Variants in TRAPPC2 observed in about 807,000 individuals in gnomAD.
The protein encoded by TRAPPC2 is trafficking protein particle complex subunit 2.
In TRAPPC2, 4 loss-of-function variants were observed where a neutral mutation model predicts 10.0. That is an observed-to-expected ratio of 0.40 (90% CI 0.20 to 0.92). The LOEUF (loss-of-function observed/expected upper bound fraction) is 0.92. Ranked by LOEUF, TRAPPC2 falls within the 40% of genes least tolerant of loss-of-function variation. TRAPPC2 has a pLI of 0.35. For synonymous variants in TRAPPC2, 36 were observed against 37.3 expected (o/e 0.97, Z 0.12); for missense variants, 52 against 108.7 (o/e 0.48, Z 2.32).
At chrX:13,715,869 A>C (rs2046275628) in intron 5 of TRAPPC2, 135 bp downstream of exon 5, 1 of 1,021,799 alleles carries the variant, frequency 9.8e-7, no homozygotes, top group African/African-American at 1.9e-5. Flanking sequence ...GGGAGTTGCC[A>C]GAGATAGTTC....
chrX:13,717,897 A>G (rs2046330812), intron 3 of TRAPPC2, among the ~76,000 whole-genome samples: 1 of 112,135 alleles, frequency 8.9e-6, no homozygotes, highest in Non-Finnish European at 1.9e-5. Context: ...ATGAGGTCAC[A>G]CTGGAGTAGG....
At chrX:13,720,298 T>C (rs1302500648) in intron 2 of TRAPPC2, 1 of 138,310 alleles carries the variant, frequency 7.2e-6, no homozygotes, top group Non-Finnish European at 1.4e-5. Flanking sequence ...CCTAAGTGTC[T>C]GGTAGAGTAA....
At chrX:13,716,375 T>TC in intron 4 of TRAPPC2, 159 bp downstream of exon 4, 1 of 664,908 alleles carries the variant, frequency 1.5e-6, no homozygotes. Context: ...AAAATGTTTT[T>TC]CCCCCCTAAA....
intron 2 of TRAPPC2, among the ~76,000 whole-genome samples, chrX:13,729,738 G>A (rs1029233040): frequency 1.4e-4 from 15 of 110,951 alleles, no homozygotes; most frequent in African/African-American, 3.0e-4. Flanking sequence ...GAGAAACCCC[G>A]TCTCTACTAA....
chrX:13,722,208 C>CAAAAAAAAAA (rs748574644), intron 2 of TRAPPC2: 11 of 36,112 alleles, frequency 3.0e-4, no homozygotes, highest in South Asian at 1.2e-3. Context: ...TAAGCAGCAG[C>CAAAAAAAAAA]AAAAAAAAAA....
At position 13,716,002 on chromosome X, in the gene TRAPPC2, A is replaced by T. The variant is rs1384690921; in HGVS notation, c.324+2T>A. 1 of 1,183,969 alleles carries T rather than the reference A, an allele frequency of 8.4e-7. No individual in the cohort carries two copies. The highest frequency in any genetic ancestry group is 3.0e-5 in the East Asian group (1 of 33,018). ...ATTTAAAAATTATAGAACATACCAT[A>T]CCTTTATATATAAATCATAAACATC... On this transcript the variant is annotated splice_donor_variant, in intron 5 of 5. Transcript: ENST00000380579. LOFTEE classifies it high-confidence loss of function.
chrX:13,729,045 G>A (rs1038350305), intron 2 of TRAPPC2, among the ~76,000 whole-genome samples: 6 of 111,268 alleles, frequency 5.4e-5, no homozygotes, highest in Non-Finnish European at 7.6e-5. Context: ...TACAAGGGAC[G>A]TGAAGGACCT....
At chrX:13,720,639 A>G (rs2046387711) in intron 2 of TRAPPC2, 1 of 112,269 alleles carries the variant, frequency 8.9e-6, no homozygotes, top group African/African-American at 3.2e-5. Context: ...ATACCAATTT[A>G]TAAGAAAGGA....
intron 3 of TRAPPC2, among the ~76,000 whole-genome samples, chrX:13,717,034 TAAAAAAAAAAAAAA>T (rs1175025577): frequency 2.6e-5 from 1 of 37,936 alleles, no homozygotes; most frequent in Non-Finnish European, 4.3e-5. Context: ...GATACTATGT[TAAAAAAAAAAAAAA>T]AAAAAAAAAA....
chrX:13,730,717 C>T (rs1261612859), intron 2 of TRAPPC2, among the ~76,000 whole-genome samples: 1 of 111,216 alleles, frequency 9.0e-6, no homozygotes, highest in African/African-American at 3.3e-5. Flanking sequence ...CACATATACA[C>T]CATGGAATAC....
At chrX:13,721,619 A>C (rs944456755) in intron 2 of TRAPPC2, 2 of 112,104 alleles carry the variant, frequency 1.8e-5, no homozygotes, top group Non-Finnish European at 3.8e-5. Context: ...AATCAGAAGA[A>C]ATCTGATATG....
chrX:13,714,878 A>G (rs1297440735), intron 5 of TRAPPC2, among the ~76,000 whole-genome samples: 1 of 112,432 alleles, frequency 8.9e-6, no homozygotes, highest in East Asian at 2.8e-4. Flanking sequence ...GAGTTCAGAA[A>G]AAGCTATTCT....
At chrX:13,719,837 A>G in intron 3 of TRAPPC2, 34 bp downstream of exon 3, 1 of 971,684 alleles carries the variant, frequency 1.0e-6, no homozygotes, top group Non-Finnish European at 1.4e-6. Context: ...ATATTATACC[A>G]TATCATTACA....
At position 13,714,156 on chromosome X, in the gene TRAPPC2, AAAAAAAAC is replaced by A. The variant is rs2077075899; in HGVS notation, c.*243_*250del. 1 of 184,304 alleles carries A rather than the reference AAAAAAAAC, an allele frequency of 5.4e-6. No homozygotes were observed. The highest frequency in any genetic ancestry group is 8.0e-5 in the Admixed American group (1 of 12,531). The allele number at this position is 184,304 out of a possible 1,213,427, so 15.2% of individuals were successfully genotyped here. On this transcript the variant is annotated 3_prime_UTR_variant, in exon 6 of 6. Transcript: ENST00000380579. ...GACTCTGTATCAGAAAAAAAAAAAAAAAAAAAACATGATTATTGATAATGAACTCTTTA... is the reference window on the plus strand; with the variant it reads ...GACTCTGTATCAGAAAAAAAAAAAAAATGATTATTGATAATGAACTCTTTA...
intron 2 of TRAPPC2, 129 bp from the exon 3 acceptor site, chrX:13,720,111 G>A: frequency 2.4e-6 from 1 of 425,212 alleles, no homozygotes; most frequent in East Asian, 4.2e-5. Context: ...ACTAAGCTTG[G>A]CAGTTTCCAG....
intron 3 of TRAPPC2, among the ~76,000 whole-genome samples, chrX:13,719,048 C>A (rs1322940915): frequency 1.8e-5 from 2 of 110,717 alleles, no homozygotes; most frequent in Non-Finnish European, 3.8e-5. Context: ...TCCCAGCTAC[C>A]TGGGAGGCTA....
At chrX:13,727,004 CAAA>C (rs1220098396) in intron 2 of TRAPPC2, among the ~76,000 whole-genome samples, 1 of 111,747 alleles carries the variant, frequency 8.9e-6, no homozygotes, top group African/African-American at 3.3e-5. Flanking sequence ...TCAAAAGAGA[CAAA>C]GAAGGCCATT....
In TRAPPC2 at chrX:13,713,557, C is replaced by G. The variant is rs1391054094; in HGVS notation, c.*850G>C. 9.0e-6 allele frequency: 1 copy of G among 111,184 alleles called. No individual in the cohort carries two copies. Among genetic ancestry groups the G allele is most frequent in the Admixed American group, 9.5e-5 (1 of 10,492 alleles). 9.2% of individuals were successfully genotyped at this position (111,184 alleles called of 1,213,427 possible). Reference sequence around the variant, plus strand: ...TCATGGCCGGGCGTGGTGGCTCACACGCCTGTAATCCCAGCACTTCCTGAG... The same window carrying G: ...TCATGGCCGGGCGTGGTGGCTCACAGGCCTGTAATCCCAGCACTTCCTGAG... On this transcript the variant is annotated 3_prime_UTR_variant, in exon 6 of 6. Coordinates refer to ENST00000380579, the MANE Select transcript of TRAPPC2 (RefSeq NM_001011658.4).
At chrX:13,734,364 G>C (rs930670610) in intron 1 of TRAPPC2, among the ~76,000 whole-genome samples, 161 bp downstream of exon 1, 2 of 111,061 alleles carry the variant, frequency 1.8e-5, no homozygotes, top group Non-Finnish European at 3.8e-5. Flanking sequence ...TCTGCAGGTG[G>C]AAGGGCTGCG....
Sources: gnomAD v4.1 joint callset for allele counts (sites outside exome capture counted in the v4.1 genomes callset) on GRCh38, gnomAD v4.1.1 for gene constraint, MANE v1.5 for transcripts, NCBI Gene and HGNC (gene_info 2026-07-23, HGNC 2026-07-21) for gene names.